Variants in STK38L observed in about 807,000 individuals in gnomAD.
STK38L encodes serine/threonine-protein kinase 38-like.
Under a neutral mutation model 59.7 loss-of-function variants are expected in STK38L, and 28 were observed. The observed-to-expected ratio is 0.47, with a 90% CI of 0.35 to 0.64. The LOEUF (loss-of-function observed/expected upper bound fraction) is 0.64. Among genes scored for constraint, STK38L ranks in the 30% least tolerant of loss-of-function variants. The pLI is 0.01. For synonymous variants in STK38L, 162 were observed against 176.8 expected (o/e 0.92, Z 0.66); for missense variants, 314 against 555.8 (o/e 0.56, Z 4.37).
intron 1 of STK38L, among the ~76,000 whole-genome samples, chr12:27,281,601 C>G (rs1349542021): frequency 6.6e-6 from 1 of 152,102 alleles, no homozygotes; most frequent in African/African-American, 2.4e-5. Flanking sequence ...TAAGATAATG[C>G]ACACAGTACT....
At chr12:27,311,041 A>G (rs1037774112) in intron 5 of STK38L, among the ~76,000 whole-genome samples, 2 of 152,214 alleles carry the variant, frequency 1.3e-5, no homozygotes, top group Non-Finnish European at 2.9e-5. Context: ...GTTCTACCAG[A>G]TTACTATAGG....
chr12:27,280,682 A>G (rs1219809602), intron 1 of STK38L, among the ~76,000 whole-genome samples: 4 of 152,212 alleles, frequency 2.6e-5, no homozygotes, highest in East Asian at 1.9e-4. Flanking sequence ...CTGCCATTCA[A>G]CGTTGGTTAG....
intron 1 of STK38L, among the ~76,000 whole-genome samples, chr12:27,257,542 G>A (rs1279177794): frequency 1.3e-5 from 2 of 152,088 alleles, no homozygotes; most frequent in Non-Finnish European, 2.9e-5. Flanking sequence ...GGTATCCCCG[G>A]CCCTTTTCAG....
At chr12:27,294,025 G>A (rs1026170261) in intron 1 of STK38L, among the ~76,000 whole-genome samples, 3 of 152,184 alleles carry the variant, frequency 2.0e-5, no homozygotes, top group Non-Finnish European at 4.4e-5. Flanking sequence ...GTAGGGTGTT[G>A]CTCTTTAATG....
intron 2 of STK38L, among the ~76,000 whole-genome samples, chr12:27,301,811 A>T (rs1417826032): frequency 2.6e-5 from 4 of 152,172 alleles, no homozygotes; most frequent in African/African-American, 7.2e-5. Flanking sequence ...AGCATTGGGA[A>T]ATATTAATGA....
At chr12:27,271,241 T>G (rs1943416417) in intron 1 of STK38L, among the ~76,000 whole-genome samples, 1 of 152,254 alleles carries the variant, frequency 6.6e-6, no homozygotes, top group South Asian at 2.1e-4. Flanking sequence ...TTCATAGGTA[T>G]CTGAAGAAAT....
At chr12:27,257,775 CTTTA>C (rs1020635686) in intron 1 of STK38L, among the ~76,000 whole-genome samples, 7 of 151,708 alleles carry the variant, frequency 4.6e-5, no homozygotes, top group Non-Finnish European at 8.8e-5. Flanking sequence ...TTGTGCATGA[CTTTA>C]TTTATATGTG....
intron 12 of STK38L, among the ~76,000 whole-genome samples, chr12:27,321,043 G>C (rs1296178580): frequency 6.6e-6 from 1 of 152,138 alleles, no homozygotes; most frequent in African/African-American, 2.4e-5. Flanking sequence ...AACAGTCATG[G>C]AGCAGGGATT....
intron 1 of STK38L, among the ~76,000 whole-genome samples, chr12:27,282,567 A>G (rs1429722824): frequency 6.6e-6 from 1 of 152,218 alleles, no homozygotes; most frequent in Non-Finnish European, 1.5e-5. Flanking sequence ...CAAAAATTAA[A>G]AAGATGGACA....
intron 12 of STK38L, among the ~76,000 whole-genome samples, chr12:27,320,618 C>A (rs994230191): frequency 9.2e-5 from 14 of 151,734 alleles, no homozygotes; most frequent in African/African-American, 2.9e-4. Flanking sequence ...TTTTAAAAAT[C>A]ATTTATTGTG....
chr12:27,263,731 A>G (rs542231302), intron 1 of STK38L, among the ~76,000 whole-genome samples: 47 of 152,358 alleles, frequency 3.1e-4, no homozygotes, highest in Admixed American at 8.5e-4. Flanking sequence ...TGTGCTCTGC[A>G]TCATTCTGAG....
intron 12 of STK38L, 75 bp from the exon 13 acceptor site, chr12:27,322,068 T>A: frequency 7.3e-7 from 1 of 1,361,584 alleles, no homozygotes; most frequent in Non-Finnish European, 1.0e-6. Context: ...GTATGCAGAA[T>A]TTACAAGTAG....
intron 2 of STK38L, 100 bp from the exon 3 acceptor site, chr12:27,302,037 A>C: frequency 1.2e-6 from 1 of 823,772 alleles, no homozygotes; most frequent in Non-Finnish European, 1.8e-6. Flanking sequence ...TTTTTAGCCT[A>C]GCAAGCTGAA....
intron 1 of STK38L, among the ~76,000 whole-genome samples, chr12:27,276,752 T>C (rs1481366977): frequency 6.6e-6 from 1 of 152,226 alleles, no homozygotes; most frequent in Non-Finnish European, 1.5e-5. Context: ...TTATGAATTA[T>C]TGCAAACATA....
chr12:27,300,561 A>G (rs1476314265), intron 2 of STK38L: 3 of 455,972 alleles, frequency 6.6e-6, no homozygotes, highest in African/African-American at 6.0e-5. Flanking sequence ...CAGAGGAGAA[A>G]ACTGGAAATC....
intron 1 of STK38L, among the ~76,000 whole-genome samples, chr12:27,253,811 A>G (rs1225481952): frequency 6.6e-6 from 1 of 152,152 alleles, no homozygotes; most frequent in Non-Finnish European, 1.5e-5. Context: ...GGCCACAGGA[A>G]CCGGAATTGT....
intron 1 of STK38L, among the ~76,000 whole-genome samples, chr12:27,283,154 C>T (rs1232016179): frequency 6.6e-6 from 1 of 152,168 alleles, no homozygotes; most frequent in Non-Finnish European, 1.5e-5. Flanking sequence ...AAAGTGTCTA[C>T]AAGATCGTAG....
intron 1 of STK38L, among the ~76,000 whole-genome samples, chr12:27,276,157 G>C (rs1037499029): frequency 6.6e-6 from 1 of 152,122 alleles, no homozygotes; most frequent in Non-Finnish European, 1.5e-5. Context: ...GTACCTCCCT[G>C]TGTGCACATC....
chr12:27,272,102 C>T (rs764832012), intron 1 of STK38L, among the ~76,000 whole-genome samples: 5 of 152,186 alleles, frequency 3.3e-5, no homozygotes, highest in African/African-American at 1.2e-4. Context: ...GTTACTGCTT[C>T]GGCTCTTGGC....
Sources: allele counts gnomAD v4.1 joint callset (sites outside exome capture counted in the v4.1 genomes callset), GRCh38; gene constraint gnomAD v4.1.1; transcripts MANE v1.5; gene names NCBI Gene and HGNC (gene_info 2026-07-23, HGNC 2026-07-21).